Variants in MTMR10 observed in about 807,000 individuals in gnomAD.
MTMR10 encodes the protein myotubularin related protein 10.
In MTMR10, 56 loss-of-function variants were observed where a neutral mutation model predicts 88.1. The observed-to-expected ratio is 0.64, with a 90% CI of 0.51 to 0.79. MTMR10 has a LOEUF of 0.79. MTMR10 is among the 30% of genes least tolerant of loss of function. The probability of loss-of-function intolerance (pLI) is 0.00; values close to 1 mark genes in which losing one functional copy is unlikely to be tolerated. For synonymous variants in MTMR10, 380 were observed against 340.9 expected (o/e 1.11, Z -1.26); for missense variants, 883 against 924.7 (o/e 0.95, Z 0.58).
chr15:30,991,253 T>G, intron 1 of MTMR10, 194 bp downstream of exon 1: 1 of 528,528 alleles, frequency 1.9e-6, no homozygotes. Context: ...GCAGAAGAGT[T>G]TTACAAGTTT....
intron 9 of MTMR10, among the ~76,000 whole-genome samples, chr15:30,958,226 C>G (rs1449366237): frequency 6.6e-6 from 1 of 152,186 alleles, no homozygotes; most frequent in African/African-American, 2.4e-5. Flanking sequence ...GAGGAAGCGG[C>G]CTTAGAATCT....
At chr15:30,925,192 G>T in the MTMR10 span, 1 of 1,613,910 alleles carries the variant, frequency 6.2e-7, no homozygotes, top group African/African-American at 1.3e-5. Flanking sequence ...GCCTTTCACT[G>T]TATCAGCGAG....
At chr15:30,976,765 A>AC in intron 3 of MTMR10, 54 bp downstream of exon 3, 11 of 1,556,146 alleles carry the variant, frequency 7.1e-6, no homozygotes, top group Non-Finnish European at 9.6e-6. Flanking sequence ...AATAATATGT[A>AC]CCACTTAGAG....
the MTMR10 span, chr15:30,930,608 T>G: frequency 6.2e-7 from 1 of 1,612,972 alleles, no homozygotes. Context: ...CTGCTGACTT[T>G]CGACACTGTC....
the MTMR10 span, chr15:30,924,974 A>C: frequency 5.3e-5 from 39 of 740,898 alleles, no homozygotes; most frequent in Non-Finnish European, 6.6e-5. Flanking sequence ...AATAAGATCT[A>C]AGGAAACAGC....
the MTMR10 span, chr15:30,922,137 A>G: frequency 2.8e-6 from 4 of 1,437,410 alleles, no homozygotes; most frequent in Non-Finnish European, 2.8e-6. Flanking sequence ...AAAGATACGC[A>G]TTATAAATAG....
At chr15:30,974,290 C>T in intron 5 of MTMR10, 24 bp downstream of exon 5, 1 of 1,542,488 alleles carries the variant, frequency 6.5e-7, no homozygotes, top group East Asian at 2.3e-5. Context: ...GAACCCAGAA[C>T]TTGATAAACC....
chr15:30,925,079 G>A, the MTMR10 span: 12 of 1,555,596 alleles, frequency 7.7e-6, no homozygotes, highest in East Asian at 2.3e-5. Context: ...CATGGAAGCC[G>A]CCATGGGTTT....
the MTMR10 span, among the ~76,000 whole-genome samples, chr15:30,929,745 CAT>C: frequency 2.5e-4 from 9 of 35,424 alleles, no homozygotes; most frequent in African/African-American, 8.8e-4. Flanking sequence ...TATATTATAT[CAT>C]ATATAATATA....
chr15:30,925,981 G>T, the MTMR10 span: 1 of 1,605,404 alleles, frequency 6.2e-7, no homozygotes, highest in Non-Finnish European at 8.5e-7. Flanking sequence ...AGCCCCGGGT[G>T]GACGAGCAGC....
the MTMR10 span, among the ~76,000 whole-genome samples, chr15:30,929,813 A>ATC: frequency 1.6e-5 from 1 of 61,800 alleles, no homozygotes; most frequent in African/African-American, 8.7e-5. Flanking sequence ...TAAAATATAT[A>ATC]ATATATTATA....
rs987173758 is a variant in MTMR10, at chr15:30,939,712, T to C, written c.*1758A>G. 1.3e-5 allele frequency: 13 copies of C among 974,360 alleles called. No individual in the cohort carries two copies. In the African/African-American group the frequency reaches 2.1e-4, roughly 16 times the overall value. The allele number at this position is 974,360 out of a possible 1,614,324, so 60.4% of individuals were successfully genotyped here. A position where few individuals can be genotyped will look rare whatever the true frequency, so the allele number is the denominator to read the frequency against. On this transcript the variant is annotated 3_prime_UTR_variant, in exon 16 of 16. Coordinates refer to ENST00000435680, the MANE Select transcript of MTMR10 (RefSeq NM_017762.3). ...GGGAAAAATGCTCAATCCAAAACATTTAGTAATAATAAAAAAGCAGCTAAA... is the reference window on the plus strand; with the variant it reads ...GGGAAAAATGCTCAATCCAAAACATCTAGTAATAATAAAAAAGCAGCTAAA...
intron 2 of MTMR10, among the ~76,000 whole-genome samples, chr15:30,979,720 T>C (rs2030425992): frequency 6.6e-6 from 1 of 152,340 alleles, no homozygotes; most frequent in East Asian, 1.9e-4. Context: ...CAAACGCCCA[T>C]GGACAGCCCT....
chr15:30,948,300 A>T lies in MTMR10; in HGVS notation c.1377+2T>A, dbSNP rs1211827004. 6.2e-7 allele frequency: 1 copy of T among 1,604,940 alleles called. No individual in the cohort carries two copies. On this transcript the variant is annotated splice_donor_variant, in intron 13 of 15. Coordinates refer to ENST00000435680, the MANE Select transcript of MTMR10 (RefSeq NM_017762.3). LOFTEE classifies it high-confidence loss of function. The stretch of plus-strand genomic sequence containing the variant: ...GATAAAAAGGCATCAAGATTTTGTT[A>T]CCTCTTTCTCTGATCTCTTTAGATG...
At chr15:30,927,591 C>G in the MTMR10 span, 1 of 985,552 alleles carries the variant, frequency 1.0e-6, no homozygotes, top group African/African-American at 1.7e-5. Flanking sequence ...TGGTACCACG[C>G]AGATGGGTTG....
downstream of MTMR10, among the ~76,000 whole-genome samples, chr15:30,938,130 G>A (rs2062917127): frequency 6.6e-6 from 1 of 151,722 alleles, no homozygotes; most frequent in African/African-American, 2.4e-5. Flanking sequence ...CTTGCAGTGA[G>A]CCGAGATTGC....
chr15:30,931,508 G>T, the MTMR10 span, among the ~76,000 whole-genome samples: 2 of 152,296 alleles, frequency 1.3e-5, no homozygotes, highest in South Asian at 4.1e-4. Flanking sequence ...CTAATCCAAG[G>T]TCACAAAGAG....
chr15:30,928,435 C>T, the MTMR10 span: 1 of 1,506,852 alleles, frequency 6.6e-7, no homozygotes, highest in Non-Finnish European at 8.8e-7. Context: ...TAAAATATTT[C>T]TATTATTTTC....
intron 14 of MTMR10, chr15:30,946,899 G>C: frequency 1.7e-6 from 1 of 603,286 alleles, no homozygotes. Flanking sequence ...ATCTTTAAAG[G>C]GGTTTACTAC....
Sources: gnomAD v4.1 joint callset for allele counts (sites outside exome capture counted in the v4.1 genomes callset) on GRCh38, gnomAD v4.1.1 for gene constraint, MANE v1.5 for transcripts, NCBI Gene and HGNC (gene_info 2026-07-23, HGNC 2026-07-21) for gene names.